The following SUGT1 variants were observed in gnomAD, a reference collection of about 807,000 sequenced individuals.
SUGT1 encodes SGT1 assembly cochaperone of MIS12 kinetochore complex.
A neutral mutation model predicts 56.1 loss-of-function variants in SUGT1; 15 were observed. The ratio of observed to expected loss-of-function variants is 0.27; its 90% CI spans 0.18 to 0.41. The LOEUF is 0.41. Ranked by LOEUF, SUGT1 falls within the 10% of genes least tolerant of loss-of-function variation. The pLI is 1.00. For synonymous variants in SUGT1, 123 were observed against 128.6 expected (o/e 0.96, Z 0.30); for missense variants, 347 against 382.2 (o/e 0.91, Z 0.77).
At position 52,689,594 on chromosome 13, in the gene SUGT1, T is replaced by C. The variant is rs1209846779; in HGVS notation, c.*1759T>C. ...AATAATCCATAGAGTCTTAGAGTTA[T>C]AATTAAAGGTCCATGGTTCTAAATA... is the stretch of plus-strand genomic sequence containing the variant. On this transcript the variant is annotated 3_prime_UTR_variant, in exon 13 of 13. Coordinates refer to ENST00000310528, the MANE Select transcript of SUGT1 (RefSeq NM_006704.5). 3 of 152,204 alleles carry C rather than the reference T, an allele frequency of 2.0e-5. No individual in the cohort carries two copies. Among genetic ancestry groups the C allele is most frequent in the African/African-American group, 4.8e-5 (2 of 41,448 alleles). The allele number at this position is 152,204 out of a possible 1,614,324, so 9.4% of individuals were successfully genotyped here.
intron 5 of SUGT1, among the ~76,000 whole-genome samples, chr13:52,660,845 C>T (rs149910813): frequency 0.014 from 2,095 of 152,196 alleles, 47 homozygotes; most frequent in African/African-American, 0.048. Context: ...CTCGCTCTGT[C>T]GCCCAGGCTG....
intron 9 of SUGT1, among the ~76,000 whole-genome samples, chr13:52,666,513 G>A (rs1331070614): frequency 6.6e-6 from 1 of 152,040 alleles, no homozygotes; most frequent in African/African-American, 2.4e-5. Context: ...TTTTGCTTTT[G>A]TATGTTTTCT....
intron 10 of SUGT1, among the ~76,000 whole-genome samples, chr13:52,675,930 C>G (rs1257090047): frequency 1.3e-5 from 2 of 152,048 alleles, no homozygotes; most frequent in Non-Finnish European, 2.9e-5. Context: ...TAAATGTCCC[C>G]TGGGTGGCAG....
chr13:52,687,700 C>G, intron 12 of SUGT1, 34 bp from the exon 13 acceptor site: 1 of 1,501,298 alleles, frequency 6.7e-7, no homozygotes, highest in Non-Finnish European at 9.0e-7. Context: ...ATTATATGGT[C>G]CAGGAATTAA....
intron 12 of SUGT1, among the ~76,000 whole-genome samples, chr13:52,686,800 G>T (rs980842548): frequency 6.6e-6 from 1 of 152,110 alleles, no homozygotes; most frequent in African/African-American, 2.4e-5. Flanking sequence ...GCTGGGTGCG[G>T]TGGCTCATGC....
chr13:52,659,986 G>A (rs1023144210), intron 5 of SUGT1, among the ~76,000 whole-genome samples: 4 of 150,356 alleles, frequency 2.7e-5, no homozygotes, highest in Non-Finnish European at 4.4e-5. Context: ...CCACCACCAC[G>A]CCCGGCCAAT....
chr13:52,658,854 T>C (rs1299875404), intron 4 of SUGT1, among the ~76,000 whole-genome samples: 1 of 151,966 alleles, frequency 6.6e-6, no homozygotes, highest in Non-Finnish European at 1.5e-5. Flanking sequence ...GCTATATCTG[T>C]ATACTTTATA....
intron 10 of SUGT1, among the ~76,000 whole-genome samples, chr13:52,674,538 A>G (rs985511118): frequency 6.6e-6 from 1 of 152,092 alleles, no homozygotes; most frequent in South Asian, 2.1e-4. Flanking sequence ...TTAAGGTGCA[A>G]ATTTTGAAGG....
intron 2 of SUGT1, among the ~76,000 whole-genome samples, chr13:52,653,944 G>A (rs559931500): frequency 9.2e-5 from 14 of 152,308 alleles, no homozygotes; most frequent in East Asian, 5.8e-4. Context: ...TGGTACTAGA[G>A]CCTCCGTTGA....
intron 4 of SUGT1, 104 bp downstream of exon 4, chr13:52,658,572 T>C (rs1962273809): frequency 9.4e-7 from 1 of 1,062,930 alleles, no homozygotes; most frequent in Admixed American, 2.7e-5. Flanking sequence ...AAATTCTGTA[T>C]TTATACATTA....
intron 10 of SUGT1, 127 bp downstream of exon 10, chr13:52,667,046 G>A: frequency 1.6e-6 from 1 of 621,376 alleles, no homozygotes. Context: ...AAGAAAATAA[G>A]AATGATAACT....
At chr13:52,683,611 G>T (rs61959616) in intron 12 of SUGT1, among the ~76,000 whole-genome samples, 9 of 152,092 alleles carry the variant, frequency 5.9e-5, no homozygotes, top group Admixed American at 6.5e-5. Context: ...AATGAATTAG[G>T]AAGCATTGCA....
chr13:52,687,957 T>C lies in SUGT1; in HGVS notation c.*122T>C, dbSNP rs1019504705. On this transcript the variant is annotated 3_prime_UTR_variant, in exon 13 of 13. Transcript: ENST00000310528. Reference sequence around the variant, plus strand: ...TGAAAGATTATACTTCTTTACCTCTTTGTGCTTTAGAAATTATTTTCCTTC... The same window carrying C: ...TGAAAGATTATACTTCTTTACCTCTCTGTGCTTTAGAAATTATTTTCCTTC... The C allele has an allele frequency of 1.8e-6, 1 of 564,884 alleles. No individual in the cohort carries two copies. The highest frequency in any genetic ancestry group is 2.0e-5 in the African/African-American group (1 of 51,192). 35.0% of individuals were successfully genotyped at this position (564,884 alleles called of 1,614,324 possible).
chr13:52,662,088 G>A (rs1243719402), intron 5 of SUGT1, among the ~76,000 whole-genome samples: 3 of 152,060 alleles, frequency 2.0e-5, no homozygotes, highest in South Asian at 2.1e-4. Context: ...ATAGCCTCTC[G>A]ACTGCCATGT....
chr13:52,656,388 C>G (rs1287993495), intron 2 of SUGT1, among the ~76,000 whole-genome samples: 1 of 152,214 alleles, frequency 6.6e-6, no homozygotes, highest in African/African-American at 2.4e-5. Flanking sequence ...ACATCCTTTT[C>G]TAGCCTAGAC....
intron 12 of SUGT1, 66 bp downstream of exon 12, chr13:52,680,221 G>A (rs1963317396): frequency 1.4e-6 from 2 of 1,466,138 alleles, no homozygotes; most frequent in Non-Finnish European, 9.1e-7. Context: ...CGAGAAAATT[G>A]GTAATGTGAG....
intron 11 of SUGT1, among the ~76,000 whole-genome samples, chr13:52,676,995 A>G (rs1281506894): frequency 1.3e-5 from 2 of 152,240 alleles, no homozygotes; most frequent in African/African-American, 4.8e-5. Flanking sequence ...ATTATATTTT[A>G]TAGCAATAGC....
rs932641389 is a variant in SUGT1 at position 52,652,838 on chromosome 13, C to T, written c.-83C>T. On this transcript the variant is annotated 5_prime_UTR_variant, in exon 1 of 13. Coordinates refer to ENST00000310528, the MANE Select transcript of SUGT1 (RefSeq NM_006704.5). ...GGACGGAAGCTCGGTTGGTGTTTCT[C>T]CAGAAGTTTCCCCCTTGGGCGGTGG... The T allele has an allele frequency of 1.9e-6, 3 of 1,557,060 alleles. No homozygotes were observed. Among genetic ancestry groups the T allele is most frequent in the Admixed American group, 3.9e-5 (2 of 51,138 alleles).
In SUGT1 at chr13:52,697,646, A is replaced by G. The variant is rs778997048; in HGVS notation, c.*9811A>G. On this transcript the variant is annotated 3_prime_UTR_variant, in exon 13 of 13. Transcript: ENST00000310528. Reference sequence around the variant, plus strand: ...GTTGTATACTTTATTTTTAAACAGTATCAACACCGTTGAGGCCCTTCAAGT... The same window carrying G: ...GTTGTATACTTTATTTTTAAACAGTGTCAACACCGTTGAGGCCCTTCAAGT... The G allele has an allele frequency of 4.6e-5, 7 of 152,222 alleles. No individual in the cohort carries two copies. Among genetic ancestry groups the G allele is most frequent in the Admixed American group, 3.9e-4 (6 of 15,272 alleles). The allele number at this position is 152,222 out of a possible 1,614,324, so 9.4% of individuals were successfully genotyped here.
Sources: gnomAD v4.1 joint callset for allele counts (sites outside exome capture counted in the v4.1 genomes callset) on GRCh38, gnomAD v4.1.1 for gene constraint, MANE v1.5 for transcripts, NCBI Gene and HGNC (gene_info 2026-07-23, HGNC 2026-07-21) for gene names.